The following DIP2C variants were observed in gnomAD, a reference collection of about 807,000 sequenced individuals.
DIP2C encodes disco-interacting protein 2 homolog C.
DIP2C carries 33 observed loss-of-function variants against 192.4 expected under a neutral mutation model. That is an observed-to-expected ratio of 0.17 (90% confidence interval 0.13 to 0.23). The LOEUF is 0.23. Ranked by LOEUF, DIP2C falls within the 10% of genes least tolerant of loss-of-function variation. The pLI, the probability that DIP2C is intolerant of heterozygous loss-of-function variation, is 1.00. For synonymous variants in DIP2C, 979 were observed against 864.1 expected, an observed-to-expected ratio of 1.13 and a Z score of -2.33; for missense variants, 1,537 against 2,110.1, an observed-to-expected ratio of 0.73 and a Z score of 5.32.
chr10:384,055 C>T lies in DIP2C; in HGVS notation c.1848G>A (p.Met616Ile), dbSNP rs763608062. The change falls in exon 16 of 37, where the codon ATG (methionine) becomes ATA (isoleucine). Residue 616 changes from methionine to isoleucine, a missense_variant. Met to Ile is a conservative substitution (Grantham distance 10, BLOSUM62 1). Coordinates refer to ENST00000280886, the MANE Select transcript of DIP2C (RefSeq NM_014974.3). ...GGTTCGCGCCGTCCGCCACTATCAGCATTCGCAGAGAGGAGAGGTTGATGT... is the reference window on the plus strand; with the variant it reads ...GGTTCGCGCCGTCCGCCACTATCAGTATTCGCAGAGAGGAGAGGTTGATGT... ...QRDINLSSLRMLIVADGANPW... is the reference protein window; with the variant it reads ...QRDINLSSLRILIVADGANPW... 3 of 1,609,542 alleles carry T rather than the reference C, an allele frequency of 1.9e-6. No homozygotes were observed. The highest frequency in any genetic ancestry group is 3.4e-5 in the Admixed American group (2 of 59,130).
chr10:277,568 A>G lies in DIP2C; in HGVS notation c.4428T>C (p.Phe1476=), dbSNP rs781530281. The change falls in exon 37 of 37, where the codon TTT becomes TTC. Residue 1476 remains phenylalanine (F), a synonymous_variant. Coordinates refer to ENST00000280886, the MANE Select transcript of DIP2C (RefSeq NM_014974.3). ...AHKSVTECAV[F]TWTNLLVVVV... ...CAACCACCAACAAATTTGTCCAGGT[A>G]AACACAGCACTAAAAGACAGAAAAG... is the stretch of plus-strand genomic sequence containing the variant. 24 of 1,614,038 alleles carry G rather than the reference A, an allele frequency of 1.5e-5. No individual in the cohort carries two copies. Among genetic ancestry groups the G allele is most frequent in the Non-Finnish European group, 1.9e-5 (22 of 1,180,014 alleles).
At chr10:447,674 G>A (rs1968384131) in intron 3 of DIP2C, among the ~76,000 whole-genome samples, 1 of 116,620 alleles carries the variant, frequency 8.6e-6, no homozygotes, top group Admixed American at 8.2e-5. Context: ...CACCCCCATT[G>A]ATATTCAGGA....
chr10:343,266 G>A (rs574181508), intron 28 of DIP2C, among the ~76,000 whole-genome samples: 2 of 152,228 alleles, frequency 1.3e-5, no homozygotes, highest in Non-Finnish European at 2.9e-5. Context: ...TCCAGCCTGG[G>A]CAACAGAGCA....
At chr10:616,426 C>CAAA (rs1853476771) in intron 1 of DIP2C, among the ~76,000 whole-genome samples, 4 of 152,106 alleles carry the variant, frequency 2.6e-5, no homozygotes, top group African/African-American at 9.7e-5. Context: ...AAAAGATTTT[C>CAAA]TTATTTTAGG....
chr10:507,441 C>T (rs1029556428), intron 1 of DIP2C, among the ~76,000 whole-genome samples: 6 of 151,302 alleles, frequency 4.0e-5, no homozygotes, highest in Non-Finnish European at 7.4e-5. Context: ...CCTGGTCACC[C>T]GCTATGCACA....
chr10:635,623 G>A (rs1588647052), intron 1 of DIP2C, among the ~76,000 whole-genome samples: 1 of 152,254 alleles, frequency 6.6e-6, no homozygotes, highest in East Asian at 1.9e-4. Flanking sequence ...TGACACAGCA[G>A]GAGGCCGTGG....
chr10:278,136 T>C (rs1005692611), intron 36 of DIP2C, among the ~76,000 whole-genome samples: 1 of 148,592 alleles, frequency 6.7e-6, no homozygotes, highest in Non-Finnish European at 1.5e-5. Context: ...CCTACTCCTG[T>C]CTGTGCGCCC....
intron 9 of DIP2C, among the ~76,000 whole-genome samples, chr10:400,506 C>A (rs7912411): frequency 0.58 from 87,405 of 151,890 alleles, 25,210 homozygotes; most frequent in East Asian, 0.71. Context: ...ACTCTTCCTT[C>A]TGGACAAGTT....
intron 1 of DIP2C, among the ~76,000 whole-genome samples, chr10:590,960 T>C (rs1276939810): frequency 6.6e-6 from 1 of 152,204 alleles, no homozygotes; most frequent in Non-Finnish European, 1.5e-5. Context: ...CACCAGGTTC[T>C]TCTGCCGGTG....
intron 1 of DIP2C, among the ~76,000 whole-genome samples, chr10:634,807 A>C (rs1014157035): frequency 6.6e-5 from 10 of 152,282 alleles, no homozygotes; most frequent in African/African-American, 1.9e-4. Flanking sequence ...TTCTCACGAC[A>C]CTGTCAACAT....
chr10:452,619 C>T lies in DIP2C; in HGVS notation c.269-11623G>A, dbSNP rs534948971. Among the ~76,000 whole-genome samples the T allele has an allele frequency of 3.9e-5, 6 of 152,344 alleles. No homozygotes were observed. In the East Asian group the frequency reaches 5.8e-4, roughly 15 times the overall value. On this transcript the variant is annotated intron_variant, in intron 3 of 36. Transcript: ENST00000280886. The stretch of plus-strand genomic sequence containing the variant: ...CGCTTTGTCGAAAGACCTTTCACAA[C>T]GTGACACCTAGAGGGAAGCGAAGCA...
At chr10:294,768 A>G (rs1955668616) in intron 32 of DIP2C, among the ~76,000 whole-genome samples, 1 of 152,152 alleles carries the variant, frequency 6.6e-6, no homozygotes, top group Admixed American at 6.5e-5. Flanking sequence ...AAAAATACTT[A>G]CTGAATAAGA....
intron 29 of DIP2C, among the ~76,000 whole-genome samples, chr10:332,874 A>G (rs1957564771): frequency 6.6e-6 from 1 of 152,160 alleles, no homozygotes; most frequent in South Asian, 2.1e-4. Context: ...GGGTCTCCCT[A>G]CACACTTGAG....
At chr10:332,811 C>T (rs1159498294) in intron 29 of DIP2C, among the ~76,000 whole-genome samples, 2 of 152,242 alleles carry the variant, frequency 1.3e-5, no homozygotes, top group Admixed American at 1.3e-4. Context: ...GTTCATCTCA[C>T]CTGGGGGTCC....
At chr10:566,676 C>G (rs1849484850) in intron 1 of DIP2C, among the ~76,000 whole-genome samples, 1 of 152,252 alleles carries the variant, frequency 6.6e-6, no homozygotes, top group Non-Finnish European at 1.5e-5. Flanking sequence ...TCTTGGGTCT[C>G]TCGCCATGGA....
intron 1 of DIP2C, among the ~76,000 whole-genome samples, chr10:589,870 CAT>C (rs1564238769): frequency 6.6e-6 from 1 of 152,210 alleles, no homozygotes; most frequent in Non-Finnish European, 1.5e-5. Context: ...AGGGCCACAA[CAT>C]GAGACCAATG....
At chr10:638,105 C>T (rs781092478) in intron 1 of DIP2C, among the ~76,000 whole-genome samples, 17 of 152,078 alleles carry the variant, frequency 1.1e-4, no homozygotes, top group Admixed American at 2.6e-4. Flanking sequence ...GCACAGGTAA[C>T]GTCAGCTGGG....
At chr10:544,805 TAAAGA>T (rs1350883838) in intron 1 of DIP2C, among the ~76,000 whole-genome samples, 1 of 152,252 alleles carries the variant, frequency 6.6e-6, no homozygotes, top group African/African-American at 2.4e-5. Flanking sequence ...AGTAAGTTTT[TAAAGA>T]TATTCTTGAT....
At chr10:472,166 C>A (rs1220157110) in intron 3 of DIP2C, among the ~76,000 whole-genome samples, 1 of 152,132 alleles carries the variant, frequency 6.6e-6, no homozygotes, top group Non-Finnish European at 1.5e-5. Context: ...AACAGTGACA[C>A]CTAAAAAAGA....
Sources: allele counts gnomAD v4.1 joint callset (sites outside exome capture counted in the v4.1 genomes callset), GRCh38; gene constraint gnomAD v4.1.1; transcripts MANE v1.5; gene names NCBI Gene and HGNC (gene_info 2026-07-23, HGNC 2026-07-21).